Variants in GRAMD4 observed in about 807,000 individuals in gnomAD.
GRAMD4 encodes the protein GRAM domain-containing protein 4.
GRAMD4 carries 25 observed loss-of-function variants against 83.9 expected under a neutral mutation model. The ratio of observed to expected loss-of-function variants is 0.30; its 90% confidence interval spans 0.22 to 0.42. The LOEUF is 0.42. Ranked by LOEUF, GRAMD4 falls within the 10% of genes least tolerant of loss-of-function variation. GRAMD4 has a pLI of 1.00. For synonymous variants in GRAMD4, 336 were observed against 320.9 expected (o/e 1.05, Z -0.50); for missense variants, 593 against 788.7 (o/e 0.75, Z 2.97).
At chr22:46,639,619 C>T (rs1425100253) in intron 3 of GRAMD4, among the ~76,000 whole-genome samples, 1 of 150,394 alleles carries the variant, frequency 6.6e-6, no homozygotes, top group Admixed American at 6.6e-5. Flanking sequence ...TGCCCGTGTG[C>T]AGTGGTGGTT....
At chr22:46,664,172 T>C in intron 8 of GRAMD4, 55 bp downstream of exon 8, 2 of 1,259,646 alleles carry the variant, frequency 1.6e-6, no homozygotes, top group Non-Finnish European at 2.3e-6. Context: ...CTGCCAGCAT[T>C]CACCACATGA....
chr22:46,642,073 G>T (rs995040154), intron 3 of GRAMD4, among the ~76,000 whole-genome samples: 1 of 152,194 alleles, frequency 6.6e-6, no homozygotes, highest in African/African-American at 2.4e-5. Flanking sequence ...GATCATTCTG[G>T]CTCGTATCTG....
At position 46,636,999 on chromosome 22, in the gene GRAMD4, A is replaced by G. The variant is rs186031925; in HGVS notation, c.163-841A>G. On this transcript the variant is annotated intron_variant, in intron 2 of 18. Coordinates refer to ENST00000406902, the MANE Select transcript of GRAMD4 (RefSeq NM_015124.5). ...GTGAGCCGCGGTTTTCATGGAGCAG[A>G]GAGGACGACAAGGCCGCTGTTCGGA... Among the ~76,000 whole-genome samples, 20 of 152,242 alleles carry G rather than the reference A, an allele frequency of 1.3e-4. No individual in the cohort carries two copies. In the East Asian group the frequency reaches 2.3e-3, roughly 18 times the overall value.
intron 1 of GRAMD4, among the ~76,000 whole-genome samples, chr22:46,611,996 C>CAAAAAAAAAAAAA (rs61392000): frequency 6.0e-5 from 3 of 50,156 alleles, no homozygotes; most frequent in Non-Finnish European, 6.6e-5. Context: ...GACTCCATCT[C>CAAAAAAAAAAAAA]AAAAAAAAAA....
intron 1 of GRAMD4, among the ~76,000 whole-genome samples, chr22:46,579,822 C>T (rs962026241): frequency 1.3e-5 from 2 of 152,286 alleles, no homozygotes; most frequent in African/African-American, 4.8e-5. Flanking sequence ...GAGGCTGCCC[C>T]ATCTCGGGGA....
chr22:46,577,433 A>AC (rs1555949325), intron 1 of GRAMD4: 1 of 155,674 alleles, frequency 6.4e-6, no homozygotes, highest in Non-Finnish European at 9.5e-6. Context: ...CGAGCCGGCG[A>AC]CCCTCCGAGC....
chr22:46,588,623 G>T (rs2081174947), intron 1 of GRAMD4, among the ~76,000 whole-genome samples: 1 of 152,186 alleles, frequency 6.6e-6, no homozygotes, highest in South Asian at 2.1e-4. Flanking sequence ...GATGTTCCTG[G>T]CTGGGGGGCA....
chr22:46,636,761 G>A (rs2081895078), intron 2 of GRAMD4, among the ~76,000 whole-genome samples: 1 of 152,244 alleles, frequency 6.6e-6, no homozygotes, highest in African/African-American at 2.4e-5. Flanking sequence ...GGCCCAGGCA[G>A]GCCTGGCTGT....
chr22:46,620,350 G>T, upstream of GRAMD4: 1 of 985,562 alleles, frequency 1.0e-6, no homozygotes, highest in Non-Finnish European at 1.2e-6. This position sits in a 1 kb window ranked among gnomAD's most constrained non-coding sequence, Gnocchi z 4.7. Context: ...GGGAGAACCT[G>T]GACAGCCGTG....
At chr22:46,635,643 G>A (rs1261699064) in intron 2 of GRAMD4, among the ~76,000 whole-genome samples, 5 of 124,262 alleles carry the variant, frequency 4.0e-5, no homozygotes, top group Non-Finnish European at 5.0e-5. Context: ...GGGGGACCGT[G>A]TCCTCCCTGC....
intron 1 of GRAMD4, among the ~76,000 whole-genome samples, chr22:46,601,370 C>A (rs545807239): frequency 1.3e-5 from 2 of 152,236 alleles, no homozygotes; most frequent in African/African-American, 4.8e-5. Context: ...AGAAAGGAAT[C>A]CCCAGGGTCC....
upstream of GRAMD4, among the ~76,000 whole-genome samples, chr22:46,616,793 T>C (rs2081504418): frequency 7.0e-6 from 1 of 143,556 alleles, no homozygotes; most frequent in Non-Finnish European, 1.5e-5. Flanking sequence ...CCCCTGTGTG[T>C]AGGTTCCCCT....
At chr22:46,643,147 C>T (rs797010577) in intron 3 of GRAMD4, among the ~76,000 whole-genome samples, 1 of 33,066 alleles carries the variant, frequency 3.0e-5, no homozygotes, top group African/African-American at 1.0e-4. Context: ...ATCCTTCCAT[C>T]CATCCATCCA....
chr22:46,648,727 C>CATGGATGGATGGATGGATGGATGGATGG (rs1337896100), intron 3 of GRAMD4, among the ~76,000 whole-genome samples: 30 of 59,692 alleles, frequency 5.0e-4, no homozygotes, highest in African/African-American at 1.4e-3. Flanking sequence ...TGGATGGATG[C>CATGGATGGATGGATGGATGGATGGATGG]ATGGATGGAT....
chr22:46,657,785 G>A (rs1283197178), intron 3 of GRAMD4, among the ~76,000 whole-genome samples: 1 of 152,230 alleles, frequency 6.6e-6, no homozygotes, highest in African/African-American at 2.4e-5. Flanking sequence ...CCCAGCACAT[G>A]GAGGCGCTGG....
chr22:46,618,970 C>T (rs1470739145), upstream of GRAMD4, among the ~76,000 whole-genome samples: 1 of 152,206 alleles, frequency 6.6e-6, no homozygotes. This position sits in a 1 kb window ranked among gnomAD's most constrained non-coding sequence, Gnocchi z 5.8. Flanking sequence ...TTGGAGCCTG[C>T]AGGGAGGCCA....
intron 3 of GRAMD4, among the ~76,000 whole-genome samples, chr22:46,642,931 TCATCCATCCATC>T (rs1188507885): frequency 9.5e-6 from 1 of 104,980 alleles, no homozygotes; most frequent in Non-Finnish European, 2.0e-5. Flanking sequence ...AGGGATCCAT[TCATCCATCCATC>T]CATCCATCCA....
chr22:46,630,511 G>T (rs899941778), intron 2 of GRAMD4, among the ~76,000 whole-genome samples: 3 of 152,168 alleles, frequency 2.0e-5, no homozygotes, highest in Admixed American at 6.5e-5. Context: ...GTGCAGCCGC[G>T]CCATGCTCCG....
At chr22:46,674,798 G>A (rs1434341486) in intron 16 of GRAMD4, 48 bp downstream of exon 16, 1 of 1,353,134 alleles carries the variant, frequency 7.4e-7, no homozygotes, top group African/African-American at 1.4e-5. Context: ...AGGGGGCGCA[G>A]GAGGCTGCCT....
Sources: allele counts gnomAD v4.1 joint callset (sites outside exome capture counted in the v4.1 genomes callset), GRCh38; gene constraint gnomAD v4.1.1; non-coding constraint Gnocchi (gnomAD v3.1); transcripts MANE v1.5; gene names NCBI Gene and HGNC (gene_info 2026-07-23, HGNC 2026-07-21).